GPC6: variants seen among roughly 807,000 people sequenced by gnomAD.
The protein encoded by GPC6 is glypican-6.
GPC6 carries 14 observed loss-of-function variants against 55.2 expected under a neutral mutation model. The observed-to-expected ratio is 0.25, with a 90% CI of 0.17 to 0.40. The LOEUF (loss-of-function observed/expected upper bound fraction) is 0.40, where lower values mean the gene tolerates loss of function less well. Ranked by LOEUF, GPC6 falls within the 10% of genes least tolerant of loss-of-function variation. GPC6 has a pLI of 1.00. For missense variants in GPC6, 641 were observed against 708.5 expected (o/e 0.90, Z 1.08); for synonymous variants, 278 against 259.6 (o/e 1.07, Z -0.68).
At chr13:93,357,149 G>C (rs1229824494) in intron 1 of GPC6, among the ~76,000 whole-genome samples, 1 of 152,172 alleles carries the variant, frequency 6.6e-6, no homozygotes, top group Non-Finnish European at 1.5e-5. Flanking sequence ...CCCTCAAGCA[G>C]AGTGAATCAC....
At chr13:93,514,885 T>G (rs1881126192) in intron 1 of GPC6, among the ~76,000 whole-genome samples, 1 of 152,150 alleles carries the variant, frequency 6.6e-6, no homozygotes, top group Admixed American at 6.6e-5. Flanking sequence ...AAAAACACAT[T>G]TGGCATTGCT....
At chr13:94,201,464 A>T (rs1028214872) in intron 4 of GPC6, among the ~76,000 whole-genome samples, 2 of 152,138 alleles carry the variant, frequency 1.3e-5, no homozygotes, top group African/African-American at 4.8e-5. Flanking sequence ...AAAACAAAAC[A>T]CACACCAAAA....
intron 1 of GPC6, among the ~76,000 whole-genome samples, chr13:93,374,003 G>T (rs1433655541): frequency 6.6e-6 from 1 of 152,000 alleles, no homozygotes; most frequent in Admixed American, 6.6e-5. Flanking sequence ...TGCCCTTATG[G>T]GCTTTATAAT....
At chr13:93,327,798 C>A (rs1879710050) in intron 1 of GPC6, among the ~76,000 whole-genome samples, 1 of 151,540 alleles carries the variant, frequency 6.6e-6, no homozygotes, top group South Asian at 2.1e-4. Flanking sequence ...AGTGTCTTAG[C>A]TAATGGCATG....
rs526582 is a variant in GPC6 at position 94,118,587 on chromosome 13, T to A, written c.877+90693T>A. ...TCTCCTTCTCTTTTTCTATTTGCCC[T>A]GCATTATTCTTTTCTTGTTTCTCAT... On this transcript the variant is annotated intron_variant, in intron 4 of 8. Transcript: ENST00000377047. Among the ~76,000 whole-genome samples, 11 of 152,026 alleles carry A rather than the reference T, an allele frequency of 7.2e-5. 1 individual carries two copies. Among genetic ancestry groups the A allele is most frequent in the African/African-American group, 2.7e-4 (11 of 41,402 alleles).
intron 2 of GPC6, among the ~76,000 whole-genome samples, chr13:93,692,765 G>T (rs1260521606): frequency 6.6e-6 from 1 of 151,964 alleles, no homozygotes; most frequent in East Asian, 1.9e-4. Context: ...AATATGTATA[G>T]TCTGTTCAAG....
intron 2 of GPC6, among the ~76,000 whole-genome samples, chr13:93,563,741 G>A (rs1444321194): frequency 1.6e-4 from 24 of 150,986 alleles, no homozygotes; most frequent in African/African-American, 4.9e-5. Flanking sequence ...ACCTGAAGAT[G>A]GGAGTCTGAG....
At chr13:94,013,833 G>A (rs1016051137) in intron 3 of GPC6, among the ~76,000 whole-genome samples, 1 of 152,120 alleles carries the variant, frequency 6.6e-6, no homozygotes, top group African/African-American at 2.4e-5. Flanking sequence ...CTTAAACTTG[G>A]CTTTGGAAAT....
chr13:93,666,335 T>C (rs1413657021), intron 2 of GPC6, among the ~76,000 whole-genome samples: 1 of 151,852 alleles, frequency 6.6e-6, no homozygotes, highest in African/African-American at 2.4e-5. Context: ...TGATTTTCAA[T>C]TTATACTTTA....
chr13:93,349,803 T>C (rs1880567767), intron 1 of GPC6, among the ~76,000 whole-genome samples: 1 of 152,156 alleles, frequency 6.6e-6, no homozygotes, highest in Admixed American at 6.6e-5. Context: ...GTTGCAAATA[T>C]ATTTGTGCCA....
At chr13:93,298,123 A>G (rs1187204327) in intron 1 of GPC6, among the ~76,000 whole-genome samples, 3 of 152,204 alleles carry the variant, frequency 2.0e-5, no homozygotes, top group Non-Finnish European at 4.4e-5. Context: ...ACTTCCCATA[A>G]GGTGGATATG....
intron 1 of GPC6, among the ~76,000 whole-genome samples, chr13:93,380,408 G>A (rs1875110827): frequency 6.6e-6 from 1 of 152,112 alleles, no homozygotes; most frequent in Non-Finnish European, 1.5e-5. Flanking sequence ...ATTAATATAA[G>A]AATTGGTAAG....
chr13:93,583,522 GATTCTCCTGACTCAGCCTCCTGAGT>G (rs1877045815), intron 2 of GPC6, among the ~76,000 whole-genome samples: 1 of 152,046 alleles, frequency 6.6e-6, no homozygotes, highest in African/African-American at 2.4e-5. Flanking sequence ...AGGTTCAAGG[GATTCTCCTGACTCAGCCTCCTGAGT>G]AGTTGGGTAC....
intron 4 of GPC6, among the ~76,000 whole-genome samples, chr13:94,191,628 G>T (rs1375064246): frequency 6.6e-6 from 1 of 151,078 alleles, no homozygotes; most frequent in Non-Finnish European, 1.5e-5. Flanking sequence ...AAAAATAATA[G>T]TAGAGGCAAG....
intron 3 of GPC6, among the ~76,000 whole-genome samples, chr13:93,873,539 G>T (rs1048930470): frequency 2.6e-5 from 4 of 151,742 alleles, no homozygotes; most frequent in South Asian, 4.1e-4. Context: ...GTATCATTTG[G>T]GTAGAGGCCA....
chr13:93,234,454 T>A (rs1876165106), intron 1 of GPC6, among the ~76,000 whole-genome samples: 3 of 152,174 alleles, frequency 2.0e-5, no homozygotes. Flanking sequence ...TAATCAGGAT[T>A]GGATACAGTT....
intron 3 of GPC6, among the ~76,000 whole-genome samples, chr13:93,973,544 AAAAAT>A (rs67008608): frequency 0.14 from 20,642 of 152,086 alleles, 1,638 homozygotes; most frequent in East Asian, 0.26. Flanking sequence ...ATTTCTATAA[AAAAAT>A]AAGAGAGTGA....
chr13:94,127,050 A>T (rs1480790304), intron 4 of GPC6, among the ~76,000 whole-genome samples: 2 of 152,072 alleles, frequency 1.3e-5, no homozygotes, highest in Non-Finnish European at 2.9e-5. Context: ...CAATATGGTA[A>T]CTTTTTTTCC....
chr13:93,510,558 A>C (rs189937672), intron 1 of GPC6, among the ~76,000 whole-genome samples: 1 of 152,196 alleles, frequency 6.6e-6, no homozygotes. Context: ...TTCTTCATTC[A>C]TCTGTTAATA....
Sources: gnomAD v4.1 joint callset for allele counts (sites outside exome capture counted in the v4.1 genomes callset) on GRCh38, gnomAD v4.1.1 for gene constraint, MANE v1.5 for transcripts, NCBI Gene and HGNC (gene_info 2026-07-23, HGNC 2026-07-21) for gene names.